Variants in AGXT observed in about 807,000 individuals in gnomAD.
AGXT encodes the protein alanine--glyoxylate aminotransferase.
AGXT carries 41 observed loss-of-function variants against 46.9 expected under a neutral mutation model. The ratio of observed to expected loss-of-function variants is 0.88; its 90% confidence interval spans 0.68 to 1.14. The LOEUF (loss-of-function observed/expected upper bound fraction) is 1.14. Ranked by LOEUF, AGXT falls within the 50% of genes most tolerant of loss-of-function variation. AGXT has a pLI of 0.00. For synonymous variants in AGXT, 244 were observed against 227.9 expected (o/e 1.07, Z -0.64); for missense variants, 525 against 522.7 (o/e 1.00, Z -0.04).
intron 5 of AGXT, chr2:240,873,293 G>T: frequency 1.9e-6 from 1 of 540,440 alleles, no homozygotes; most frequent in Non-Finnish European, 3.3e-6. Context: ...ACAGCTTCTG[G>T]TGGGGGACAT....
At chr2:240,874,961 C>A in intron 6 of AGXT, 148 bp from the exon 7 acceptor site, 1 of 692,972 alleles carries the variant, frequency 1.4e-6, no homozygotes, top group African/African-American at 1.8e-5. Flanking sequence ...CGGTCCCACT[C>A]TGGCCCCTGA....
rs540300917 is a variant in AGXT, at chr2:240,870,103, C to T, written c.359-541C>T. ...CTTTTCCCCATTCTGTCCCCTTGGC[C>T]GCAGGTTCTTCCCCTCCCACAACCT... On this transcript the variant is annotated intron_variant, in intron 2 of 10. Transcript: ENST00000307503. 2.1e-4 allele frequency among the ~76,000 whole-genome samples: 32 copies of T among 152,260 alleles called. No individual in the cohort carries two copies. The East Asian group carries it at 3.9e-3, about 18-fold the overall frequency.
rs1054744415 is a variant in AGXT at position 240,880,351 on chromosome 2, T to C, written c.*1530T>C. 1 of 152,178 alleles carries C rather than the reference T, an allele frequency of 6.6e-6. No individual in the cohort carries two copies. The highest frequency in any genetic ancestry group is 1.5e-5 in the Non-Finnish European group (1 of 68,028). 9.4% of individuals were successfully genotyped at this position (152,178 alleles called of 1,614,324 possible). A position where few individuals can be genotyped will look rare whatever the true frequency, so the allele number is the denominator to read the frequency against. On this transcript the variant is annotated 3_prime_UTR_variant, in exon 11 of 11. Coordinates refer to ENST00000307503, the MANE Select transcript of AGXT (RefSeq NM_000030.3). ...TTGGTTTTAGTTTGCATTTCCCTGA[T>C]GCCTATTGATGTTGAGCAACTTCTC... is the stretch of plus-strand genomic sequence containing the variant.
chr2:240,876,100 A>G (rs1466301985), intron 8 of AGXT, 96 bp downstream of exon 8: 7 of 1,417,530 alleles, frequency 4.9e-6, no homozygotes, highest in Non-Finnish European at 5.9e-6. Flanking sequence ...GTGCACAGAG[A>G]AAAGGGAGCC....
intron 9 of AGXT, among the ~76,000 whole-genome samples, 190 bp downstream of exon 9, chr2:240,877,822 T>A (rs536224038): frequency 6.6e-6 from 1 of 152,258 alleles, no homozygotes; most frequent in South Asian, 2.1e-4. Flanking sequence ...TGATGCGGGA[T>A]CTCAGGACGG....
chr2:240,870,014 G>A (rs557175189), intron 2 of AGXT, among the ~76,000 whole-genome samples: 44 of 152,324 alleles, frequency 2.9e-4, no homozygotes, highest in African/African-American at 1.0e-3. Flanking sequence ...AGGGTCGGCA[G>A]AGGCCAGGAC....
Position 240,871,567 on chromosome 2 carries a change from A to C in AGXT, c.524+118A>C, listed in dbSNP as rs77667245. The C allele has an allele frequency of 5.9e-3, 5,694 of 970,644 alleles. 166 individuals carry two copies. In the East Asian group the frequency reaches 0.074, roughly 13 times the overall value. The allele number at this position is 970,644 out of a possible 1,614,324, so 60.1% of individuals were successfully genotyped here. A position where few individuals can be genotyped will look rare whatever the true frequency, so the allele number is the denominator to read the frequency against. On this transcript the variant is annotated intron_variant, in intron 4 of 10. Coordinates refer to ENST00000307503, the MANE Select transcript of AGXT (RefSeq NM_000030.3). ...TGGTCCCCACCCCAGCCTCTGTCACATGGTATGGGGTGCAGGCACCTCCCA... is the reference window on the plus strand; with the variant it reads ...TGGTCCCCACCCCAGCCTCTGTCACCTGGTATGGGGTGCAGGCACCTCCCA...
At chr2:240,872,325 A>AGGAGGGTGAGAGTTCGTGAACAT (rs1446125300) in intron 4 of AGXT, among the ~76,000 whole-genome samples, 25 of 22,618 alleles carry the variant, frequency 1.1e-3, no homozygotes, top group African/African-American at 4.0e-3. Flanking sequence ...GTGAACATGG[A>AGGAGGGTGAGAGTTCGTGAACAT]GGAGGAGGAG....
chr2:240,878,019 C>T lies in AGXT; in HGVS notation c.943-3C>T. On this transcript the variant is annotated splice_region_variant and splice_polypyrimidine_tract_variant and intron_variant, in intron 9 of 10. Transcript: ENST00000307503. ...CACGCACTGAGCCAGGCCCCTCCTG[C>T]AGGCGCTCCGGCTTCCCACAGTCAC... 20 of 1,611,058 alleles carry T rather than the reference C, an allele frequency of 1.2e-5. No homozygotes were observed. The highest frequency in any genetic ancestry group is 1.6e-5 in the Non-Finnish European group (19 of 1,179,990).
At chr2:240,874,117 A>C in intron 6 of AGXT, 55 bp downstream of exon 6, 1 of 1,562,170 alleles carries the variant, frequency 6.4e-7, no homozygotes. Flanking sequence ...CAGGGAGCTC[A>C]GGTGGCCCGA....
At chr2:240,878,536 C>G (rs2059040569) in intron 10 of AGXT, among the ~76,000 whole-genome samples, 178 bp from the exon 11 acceptor site, 1 of 152,216 alleles carries the variant, frequency 6.6e-6, no homozygotes, top group Non-Finnish European at 1.5e-5. Context: ...AGAGCCTGCC[C>G]TGGCCTGGGT....
rs796052058 is a variant in AGXT, at chr2:240,869,213, C to A, written c.209C>A (p.Thr70Asn). ...GAAGGCATCCAGTACGTGTTCCAGA[C>A]CAGGAACCCACTCACACTGGTCATC... ...IKEGIQYVFQ[T>N]RNPLTLVISG... The change falls in exon 2 of 11, where the codon ACC (threonine) becomes AAC (asparagine). Residue 70 changes from threonine to asparagine, a missense_variant. Transcript: ENST00000307503. 2 of 1,613,988 alleles carry A rather than the reference C, an allele frequency of 1.2e-6. No homozygotes were observed. The highest frequency in any genetic ancestry group is 1.7e-6 in the Non-Finnish European group (2 of 1,180,034).
At chr2:240,877,264 C>T (rs555693000) in intron 8 of AGXT, 54 of 634,468 alleles carry the variant, frequency 8.5e-5, no homozygotes, top group African/African-American at 8.1e-4. Context: ...TCCCCTCCCC[C>T]TGCAAGGCAC....
At chr2:240,870,010 G>A (rs71428471) in intron 2 of AGXT, among the ~76,000 whole-genome samples, 22,058 of 152,188 alleles carry the variant, frequency 0.14, 2,021 homozygotes, top group Non-Finnish European at 0.2. Flanking sequence ...ACCCAGGGTC[G>A]GCAGAGGCCA....
At position 240,876,022 on chromosome 2, in the gene AGXT, C is replaced by T. The variant is rs775921371; in HGVS notation, c.846+18C>T. 2 of 1,613,032 alleles carry T rather than the reference C, an allele frequency of 1.2e-6. No individual in the cohort carries two copies. The highest frequency in any genetic ancestry group is 1.7e-6 in the Non-Finnish European group (2 of 1,179,188). ...CGGAACAGGTGCATGGGCTGCACTC[C>T]ACAGGAGGAGACAGGGCCACTGGCT... On this transcript the variant is annotated intron_variant, in intron 8 of 10. Coordinates refer to ENST00000307503, the MANE Select transcript of AGXT (RefSeq NM_000030.3).
At chr2:240,873,680 G>T (rs988059398) in intron 5 of AGXT, among the ~76,000 whole-genome samples, 1 of 152,098 alleles carries the variant, frequency 6.6e-6, no homozygotes, top group Admixed American at 6.5e-5. Context: ...AACTACTACT[G>T]AAAGCAGGGA....
intron 5 of AGXT, chr2:240,873,454 C>T: frequency 3.6e-6 from 1 of 279,340 alleles, no homozygotes; most frequent in East Asian, 9.3e-5. Flanking sequence ...TAGCAGTGAG[C>T]ACCACTGTCA....
Position 240,869,150 on chromosome 2 carries a change from C to A in AGXT, c.166-20C>A. 2 of 1,613,666 alleles carry A rather than the reference C, an allele frequency of 1.2e-6. No homozygotes were observed. The highest frequency in any genetic ancestry group is 1.7e-6 in the Non-Finnish European group (2 of 1,180,016). On this transcript the variant is annotated intron_variant, in intron 1 of 10. Transcript: ENST00000307503. ...GGGAGGCGGGGAGCCTGGGTCTCAC[C>A]CTATACCACCCGCATGCAGATCATG... is the stretch of plus-strand genomic sequence containing the variant.
chr2:240,872,740 C>G (rs561517679), intron 4 of AGXT, among the ~76,000 whole-genome samples: 26 of 152,198 alleles, frequency 1.7e-4, no homozygotes, highest in Admixed American at 1.7e-3. Flanking sequence ...CCGTGATGCT[C>G]CCTCACTCCC....
Sources: allele counts gnomAD v4.1 joint callset (sites outside exome capture counted in the v4.1 genomes callset), GRCh38; gene constraint gnomAD v4.1.1; transcripts MANE v1.5; gene names NCBI Gene and HGNC (gene_info 2026-07-23, HGNC 2026-07-21).